The following NALCN variants were observed in gnomAD, a reference collection of about 807,000 sequenced individuals.
NALCN encodes sodium leak channel NALCN.
A neutral mutation model predicts 225.3 loss-of-function variants in NALCN; 111 were observed. The observed-to-expected ratio is 0.49, with a 90% CI of 0.42 to 0.58. The LOEUF (loss-of-function observed/expected upper bound fraction) is 0.58. Among genes scored for constraint, NALCN ranks in the 20% least tolerant of loss-of-function variants. The pLI is 0.00. For missense variants in NALCN, 1,378 were observed against 2,202.4 expected, an observed-to-expected ratio of 0.63 and a Z score of 7.49; for synonymous variants, 764 against 769.0, an observed-to-expected ratio of 0.99 and a Z score of 0.11.
intron 15 of NALCN, among the ~76,000 whole-genome samples, chr13:101,157,846 G>A (rs1278127091): frequency 6.6e-6 from 1 of 151,416 alleles, no homozygotes; most frequent in African/African-American, 2.4e-5. Context: ...TCTGCCTCCT[G>A]GGTTCAAGCA....
chr13:101,196,072 CA>C (rs1437020961), intron 13 of NALCN, among the ~76,000 whole-genome samples: 3 of 152,164 alleles, frequency 2.0e-5, no homozygotes, highest in African/African-American at 7.2e-5. Flanking sequence ...CTCTATTAGA[CA>C]GTAAATGGTC....
chr13:101,192,933 A>G (rs1404438639), intron 13 of NALCN, among the ~76,000 whole-genome samples: 1 of 152,300 alleles, frequency 6.6e-6, no homozygotes, highest in East Asian at 1.9e-4. Flanking sequence ...AAACATCTTT[A>G]TAGACTTCAG....
chr13:101,104,690 CAGGA>C lies in NALCN; in HGVS notation c.2637-44_2637-41del. 1 of 1,611,770 alleles carries C rather than the reference CAGGA, an allele frequency of 6.2e-7. No homozygotes were observed. The highest frequency in any genetic ancestry group is 8.5e-7 in the Non-Finnish European group (1 of 1,178,710). On this transcript the variant is annotated intron_variant, in intron 23 of 43. Coordinates refer to ENST00000251127, the MANE Select transcript of NALCN (RefSeq NM_052867.4). The surrounding 1 kb of genome is among the most constrained non-coding windows in gnomAD (Gnocchi z 4.2). Reference sequence around the variant, plus strand: ...ACAAAATTGAGAAACATAAAGGTTCCAGGAAAGGCTTCTAAGAGTTAGAGATGAT... The same window carrying C: ...ACAAAATTGAGAAACATAAAGGTTCCAAGGCTTCTAAGAGTTAGAGATGAT...
intron 17 of NALCN, among the ~76,000 whole-genome samples, chr13:101,136,309 T>C (rs997097672): frequency 0.056 from 8 of 144 alleles, no homozygotes; most frequent in African/African-American, 0.2. Flanking sequence ...TTTATTTATT[T>C]ATTTATATAT....
At chr13:101,208,866 G>C (rs2040420463) in intron 13 of NALCN, among the ~76,000 whole-genome samples, 1 of 152,194 alleles carries the variant, frequency 6.6e-6, no homozygotes, top group African/African-American at 2.4e-5. Context: ...AGGAGCAGAC[G>C]CTGGTGCTAC....
At chr13:101,095,508 A>T in intron 28 of NALCN, 66 bp downstream of exon 28, 1 of 1,280,574 alleles carries the variant, frequency 7.8e-7, no homozygotes, top group Non-Finnish European at 1.1e-6. Flanking sequence ...GCCATATGAT[A>T]CTTATTTAAA....
chr13:101,365,323 T>C (rs933573743), intron 6 of NALCN, among the ~76,000 whole-genome samples: 55 of 152,214 alleles, frequency 3.6e-4, no homozygotes, highest in African/African-American at 1.2e-3. Flanking sequence ...CTGTGTTAGT[T>C]TGCTTAGGAT....
chr13:101,085,480 T>C (rs954497428), intron 30 of NALCN, among the ~76,000 whole-genome samples: 1 of 152,090 alleles, frequency 6.6e-6, no homozygotes, highest in Non-Finnish European at 1.5e-5. Context: ...TAGTGTTCCA[T>C]GGTAATATAT....
At chr13:101,206,423 T>G (rs2140058343) in intron 13 of NALCN, among the ~76,000 whole-genome samples, 1 of 152,176 alleles carries the variant, frequency 6.6e-6, no homozygotes, top group South Asian at 2.1e-4. Context: ...GAATAAACAC[T>G]TAATTGAAAT....
intron 18 of NALCN, 50 bp from the exon 19 acceptor site, chr13:101,111,276 G>C: frequency 1.3e-6 from 2 of 1,489,206 alleles, no homozygotes; most frequent in African/African-American, 1.4e-5. Context: ...GTACACTTGA[G>C]ATGAATAACA....
At chr13:101,199,752 C>A (rs898060259) in intron 13 of NALCN, among the ~76,000 whole-genome samples, 1 of 151,868 alleles carries the variant, frequency 6.6e-6, no homozygotes, top group African/African-American at 2.4e-5. Context: ...TACATATGTA[C>A]AAACCTGCAC....
intron 35 of NALCN, 59 bp from the exon 36 acceptor site, chr13:101,074,721 AG>A: frequency 5.0e-6 from 1 of 201,608 alleles, no homozygotes; most frequent in Non-Finnish European, 7.1e-6. Context: ...AGACAGAGAC[AG>A]AGAGAGAGAG....
intron 9 of NALCN, among the ~76,000 whole-genome samples, chr13:101,288,362 T>G (rs919402377): frequency 1.3e-5 from 2 of 152,258 alleles, no homozygotes; most frequent in East Asian, 3.8e-4. Flanking sequence ...GTATTTTCTT[T>G]GAGCATTAAG....
intron 1 of NALCN, among the ~76,000 whole-genome samples, chr13:101,416,017 C>T (rs2047934642): frequency 6.6e-6 from 1 of 152,100 alleles, no homozygotes; most frequent in South Asian, 2.1e-4. Flanking sequence ...CCGCGGCAGG[C>T]GCCCCCGACA....
intron 37 of NALCN, among the ~76,000 whole-genome samples, chr13:101,070,563 A>AAAAC (rs1342762127): frequency 2.6e-5 from 4 of 152,238 alleles, no homozygotes; most frequent in South Asian, 2.1e-4. Context: ...AGCAGGCATG[A>AAAAC]AAACAATGTT....
intron 41 of NALCN, among the ~76,000 whole-genome samples, chr13:101,061,386 CTTTTT>C (rs10637556): frequency 6.7e-6 from 1 of 148,486 alleles, no homozygotes; most frequent in African/African-American, 2.5e-5. Context: ...TATCAATAAA[CTTTTT>C]TTTTTTTTGA....
rs650273 is a variant in NALCN at position 101,102,934 on chromosome 13, G to T, written c.3057+238C>A. Among the ~76,000 whole-genome samples the T allele has an allele frequency of 1.1e-3, 166 of 152,260 alleles. 4 individuals are homozygous for T. The East Asian group carries it at 0.029, about 27-fold the overall frequency. The stretch of plus-strand genomic sequence containing the variant: ...TTAGTACCGAAAGAGTCAGCAGATA[G>T]GAACTCTTTCAAATCTCAGAGTGCT... On this transcript the variant is annotated intron_variant, in intron 26 of 43. Coordinates refer to ENST00000251127, the MANE Select transcript of NALCN (RefSeq NM_052867.4).
At chr13:101,415,483 G>T (rs1474991317) in intron 1 of NALCN, among the ~76,000 whole-genome samples, 1 of 152,064 alleles carries the variant, frequency 6.6e-6, no homozygotes, top group African/African-American at 2.4e-5. Context: ...TTTATTCTAA[G>T]GTATTTCAAG....
chr13:101,081,722 T>C, intron 33 of NALCN, 76 bp from the exon 34 acceptor site: 2 of 1,531,924 alleles, frequency 1.3e-6, no homozygotes, highest in Non-Finnish European at 1.8e-6. Flanking sequence ...TTGAGATGCA[T>C]TATGTGTATG....
Sources: allele counts gnomAD v4.1 joint callset (sites outside exome capture counted in the v4.1 genomes callset), GRCh38; gene constraint gnomAD v4.1.1; non-coding constraint Gnocchi (gnomAD v3.1); transcripts MANE v1.5; gene names NCBI Gene and HGNC (gene_info 2026-07-23, HGNC 2026-07-21).